CNTNAP2: variants seen among roughly 807,000 people sequenced by gnomAD.
CNTNAP2 encodes contactin-associated protein-like 2.
CNTNAP2 carries 98 observed loss-of-function variants against 155.2 expected under a neutral mutation model. The ratio of observed to expected loss-of-function variants is 0.63; its 90% CI spans 0.54 to 0.75. The LOEUF is 0.75. Among genes scored for constraint, CNTNAP2 ranks in the 30% least tolerant of loss-of-function variants. The pLI, the probability that CNTNAP2 is intolerant of heterozygous loss-of-function variation, is 0.00. For missense variants in CNTNAP2, 1,727 were observed against 1,688.1 expected, an observed-to-expected ratio of 1.02 and a Z score of -0.40; for synonymous variants, 651 against 631.2, an observed-to-expected ratio of 1.03 and a Z score of -0.47.
rs576844263 is a variant in CNTNAP2 at position 148,047,289 on chromosome 7, T to TAA, written c.2383+69301_2383+69302insAA. On this transcript the variant is annotated intron_variant, in intron 15 of 23. Coordinates refer to ENST00000361727, the MANE Select transcript of CNTNAP2 (RefSeq NM_014141.6). Reference sequence around the variant, plus strand: ...AGTTCCTGCAAGCCTCTGGTCACAGTATATTCATCAACCTATCAATACATA... The same window carrying TAA: ...AGTTCCTGCAAGCCTCTGGTCACAGTAAATATTCATCAACCTATCAATACATA... Among the ~76,000 whole-genome samples the TAA allele has an allele frequency of 6.2e-3, 939 of 152,312 alleles. 8 individuals are homozygous for TAA. Among genetic ancestry groups the TAA allele is most frequent in the African/African-American group, 0.022 (898 of 41,554 alleles).
intron 16 of CNTNAP2, among the ~76,000 whole-genome samples, chr7:148,126,153 G>A (rs534711205): frequency 4.3e-4 from 65 of 152,226 alleles, no homozygotes; most frequent in African/African-American, 1.5e-3. Context: ...CAAAGTAAAT[G>A]GAAAAGGAAG....
intron 10 of CNTNAP2, among the ~76,000 whole-genome samples, chr7:147,415,673 A>T (rs1797181246): frequency 6.6e-6 from 1 of 152,234 alleles, no homozygotes; most frequent in Non-Finnish European, 1.5e-5. Context: ...GCAGTAAAAA[A>T]ATGGACCAAT....
chr7:147,756,758 T>C (rs1169644116), intron 13 of CNTNAP2, among the ~76,000 whole-genome samples: 1 of 152,344 alleles, frequency 6.6e-6, no homozygotes, highest in African/African-American at 2.4e-5. Flanking sequence ...GAAATCATTT[T>C]CTAGAAATTA....
At chr7:146,537,845 C>A (rs916564264) in intron 1 of CNTNAP2, among the ~76,000 whole-genome samples, 3 of 151,952 alleles carry the variant, frequency 2.0e-5, no homozygotes, top group African/African-American at 7.3e-5. Context: ...GCAGATGACA[C>A]TGGGGAGAGA....
chr7:147,369,077 A>G (rs983142328), intron 9 of CNTNAP2, among the ~76,000 whole-genome samples: 4 of 152,242 alleles, frequency 2.6e-5, no homozygotes, highest in East Asian at 1.9e-4. Flanking sequence ...TACAACGGAA[A>G]AAAGTATGGG....
At chr7:146,627,356 C>T (rs1799436885) in intron 1 of CNTNAP2, among the ~76,000 whole-genome samples, 1 of 152,038 alleles carries the variant, frequency 6.6e-6, no homozygotes, top group African/African-American at 2.4e-5. Context: ...TATTTGTATG[C>T]ATTATGTATG....
At chr7:148,244,308 T>G (rs1043617994) in intron 20 of CNTNAP2, among the ~76,000 whole-genome samples, 2 of 152,148 alleles carry the variant, frequency 1.3e-5, no homozygotes, top group Non-Finnish European at 2.9e-5. Context: ...GTCTCACAAG[T>G]TCTCTCTTTA....
At chr7:146,835,598 G>C (rs1377868447) in intron 2 of CNTNAP2, among the ~76,000 whole-genome samples, 1 of 151,802 alleles carries the variant, frequency 6.6e-6, no homozygotes, top group African/African-American at 2.4e-5. Context: ...CACTACAATA[G>C]GAAAAAAATA....
At chr7:147,337,976 G>A (rs1795693230) in intron 9 of CNTNAP2, among the ~76,000 whole-genome samples, 1 of 152,150 alleles carries the variant, frequency 6.6e-6, no homozygotes, top group Admixed American at 6.5e-5. Context: ...CATCTGAGTG[G>A]TTAGAATTTG....
At chr7:148,192,722 T>C (rs558634676) in intron 18 of CNTNAP2, among the ~76,000 whole-genome samples, 1 of 152,306 alleles carries the variant, frequency 6.6e-6, no homozygotes, top group African/African-American at 2.4e-5. Context: ...ACTTTGAAAT[T>C]TGCATCAGAA....
At chr7:148,031,312 G>A (rs1031603224) in intron 15 of CNTNAP2, among the ~76,000 whole-genome samples, 4 of 152,262 alleles carry the variant, frequency 2.6e-5, no homozygotes, top group Middle Eastern at 6.8e-3. Context: ...TAATGTAAGT[G>A]CTCTAAGAAA....
intron 1 of CNTNAP2, among the ~76,000 whole-genome samples, chr7:146,285,978 CTGTGTGTG>C (rs540809295): frequency 3.0e-4 from 10 of 33,710 alleles, no homozygotes; most frequent in African/African-American, 1.7e-3. Context: ...CCTTCCTTCT[CTGTGTGTG>C]TGTGTGTGTG....
chr7:146,320,327 C>CA (rs1321236273), intron 1 of CNTNAP2, among the ~76,000 whole-genome samples: 1 of 151,744 alleles, frequency 6.6e-6, no homozygotes, highest in African/African-American at 2.4e-5. Flanking sequence ...AGTTATACTC[C>CA]AAAAAAGATG....
chr7:146,368,780 T>C (rs1563057668), intron 1 of CNTNAP2, among the ~76,000 whole-genome samples: 1 of 151,704 alleles, frequency 6.6e-6, no homozygotes, highest in African/African-American at 2.4e-5. Context: ...TGTTATATTC[T>C]AAGTAATTGC....
chr7:147,269,720 A>G (rs988389936), intron 8 of CNTNAP2, among the ~76,000 whole-genome samples: 2 of 152,150 alleles, frequency 1.3e-5, no homozygotes, highest in Non-Finnish European at 2.9e-5. Flanking sequence ...AGGCAAAAGT[A>G]GTAGAGATGA....
intron 1 of CNTNAP2, among the ~76,000 whole-genome samples, chr7:146,630,876 G>A (rs1321485319): frequency 1.3e-5 from 2 of 151,992 alleles, no homozygotes; most frequent in African/African-American, 2.4e-5. Flanking sequence ...TCTTCAAGGA[G>A]TATTACAAAC....
At chr7:147,121,417 G>A in intron 6 of CNTNAP2, 1 of 390,520 alleles carries the variant, frequency 2.6e-6, no homozygotes, top group Non-Finnish European at 4.7e-6. Context: ...TGCTATCCAG[G>A]CCATTTAATA....
intron 2 of CNTNAP2, among the ~76,000 whole-genome samples, chr7:146,812,445 A>ATATATATATATATATATAT (rs1386547927): frequency 1.0e-4 from 15 of 144,548 alleles, no homozygotes; most frequent in African/African-American, 3.3e-4. Flanking sequence ...ATATATAAAA[A>ATATATATATATATATATAT]ATATATATAT....
In CNTNAP2 at chr7:148,017,948, C is replaced by T. The variant is rs79258704; in HGVS notation, c.2383+39959C>T. 4.3e-3 allele frequency among the ~76,000 whole-genome samples: 662 copies of T among 152,274 alleles called. 2 individuals are homozygous for T. The highest frequency in any genetic ancestry group is 6.8e-3 in the Middle Eastern group (2 of 294). On this transcript the variant is annotated intron_variant, in intron 15 of 23. Coordinates refer to ENST00000361727, the MANE Select transcript of CNTNAP2 (RefSeq NM_014141.6). ...TGGTTTTTATCTTTGTTAAAGGCAG[C>T]GAGTGACATTTTAATCTTCTTGTGC...
Sources: allele counts gnomAD v4.1 joint callset (sites outside exome capture counted in the v4.1 genomes callset), GRCh38; gene constraint gnomAD v4.1.1; transcripts MANE v1.5; gene names NCBI Gene and HGNC (gene_info 2026-07-23, HGNC 2026-07-21).